Variants in PCDHA7 observed in about 807,000 individuals in gnomAD.
PCDHA7 encodes the protein protocadherin alpha-7.
PCDHA7 carries 37 observed loss-of-function variants against 57.2 expected under a neutral mutation model. The observed-to-expected ratio is 0.65, with a 90% CI of 0.50 to 0.85. PCDHA7 has a LOEUF of 0.85. Among genes scored for constraint, PCDHA7 ranks in the 40% least tolerant of loss-of-function variants. The pLI, the probability that PCDHA7 is intolerant of heterozygous loss-of-function variation, is 0.00. For missense variants in PCDHA7, 1,188 were observed against 1,241.8 expected, an observed-to-expected ratio of 0.96 and a Z score of 0.65; for synonymous variants, 553 against 558.8, an observed-to-expected ratio of 0.99 and a Z score of 0.15.
In PCDHA7 at chr5:140,834,564, C is replaced by T. The variant is rs2150221113; in HGVS notation, c.181C>T (p.Pro61Ser). The change falls in exon 1 of 4, where the codon CCG (proline) becomes TCG (serine). Residue 61 changes from proline to serine, a missense_variant. Physicochemically the swap from Pro to Ser is moderately conservative, Grantham distance 74 (BLOSUM62 -1). Around this residue, in one of 3 missense-constraint regions of PCDHA7, gnomAD observed 194 missense variants for 185.8 expected, o/e 1.04. Coordinates refer to ENST00000525929, the MANE Select transcript of PCDHA7 (RefSeq NM_018910.3). ...DLGLELAELV[P>S]RLFRAVCKFR... ...GGGGCTGGAGCTGGCGGAGCTGGTG[C>T]CGCGCCTGTTCCGGGCGGTGTGCAA... 7.4e-6 allele frequency: 12 copies of T among 1,613,972 alleles called. No homozygotes were observed. Among genetic ancestry groups the T allele is most frequent in the African/African-American group, 2.7e-5 (2 of 74,936 alleles).
intron 1 of PCDHA7, among the ~76,000 whole-genome samples, chr5:140,891,039 AC>A (rs143686625): frequency 0.024 from 3,682 of 152,150 alleles, 153 homozygotes; most frequent in African/African-American, 0.085. Context: ...CTTAGGTGTG[AC>A]CCCCACAGCA....
intron 1 of PCDHA7, among the ~76,000 whole-genome samples, chr5:140,947,840 T>C (rs1554218335): frequency 6.6e-6 from 1 of 151,630 alleles, no homozygotes; most frequent in Non-Finnish European, 1.5e-5. Context: ...TAATATTTGT[T>C]TATTTATTTT....
chr5:140,870,155 T>C (rs1554163855), intron 1 of PCDHA7: 4 of 1,614,014 alleles, frequency 2.5e-6, no homozygotes, highest in Non-Finnish European at 3.4e-6. Flanking sequence ...GAAGTCGCCG[T>C]GACTTCCTTG....
chr5:140,975,623 A>G (rs2096675265), intron 1 of PCDHA7, among the ~76,000 whole-genome samples: 1 of 152,244 alleles, frequency 6.6e-6, no homozygotes, highest in Admixed American at 6.5e-5. Flanking sequence ...ATGGATTTCC[A>G]TGGTACGAAG....
intron 1 of PCDHA7, chr5:140,853,202 C>T (rs1357815878): frequency 1.3e-5 from 13 of 982,324 alleles, no homozygotes; most frequent in Middle Eastern, 5.3e-4. Flanking sequence ...TTATTATTGA[C>T]GGCTGTATTG....
At chr5:140,915,264 G>A (rs536821921) in intron 1 of PCDHA7, among the ~76,000 whole-genome samples, 9 of 151,876 alleles carry the variant, frequency 5.9e-5, no homozygotes, top group Non-Finnish European at 1.3e-4. Context: ...TATTATTTTT[G>A]ACCAGTTCAT....
At chr5:140,848,284 A>G (rs1378049676) in intron 1 of PCDHA7, 1 of 612,322 alleles carries the variant, frequency 1.6e-6, no homozygotes, top group Non-Finnish European at 2.9e-6. Flanking sequence ...ATGTACTTAC[A>G]CTTTGGGCCA....
chr5:140,842,413 A>G (rs1206715629), intron 1 of PCDHA7: 5 of 1,613,082 alleles, frequency 3.1e-6, no homozygotes, highest in East Asian at 2.2e-5. Flanking sequence ...AAGACGCTCA[A>G]TTTGGTACTG....
chr5:140,907,864 G>A (rs1033952784), intron 1 of PCDHA7, among the ~76,000 whole-genome samples: 3 of 152,202 alleles, frequency 2.0e-5, no homozygotes, highest in African/African-American at 7.2e-5. Context: ...GAGGCCAGCC[G>A]TTGGTGAGCA....
chr5:140,913,164 T>C (rs1211762965), intron 1 of PCDHA7, among the ~76,000 whole-genome samples: 1 of 152,208 alleles, frequency 6.6e-6, no homozygotes, highest in Non-Finnish European at 1.5e-5. Flanking sequence ...GGATTGGTAT[T>C]AGTTCTTCTT....
chr5:140,967,127 T>C (rs155808), intron 1 of PCDHA7: 558,768 of 1,612,332 alleles, frequency 0.35, 98,550 homozygotes, highest in East Asian at 0.51. Flanking sequence ...CCTGCTCAGC[T>C]TGGAAGTGCT....
At chr5:140,909,438 T>C (rs2074496860) in intron 1 of PCDHA7, among the ~76,000 whole-genome samples, 1 of 152,222 alleles carries the variant, frequency 6.6e-6, no homozygotes, top group Non-Finnish European at 1.5e-5. Context: ...GATAATCCAC[T>C]GTCATTCTCC....
At chr5:140,842,501 C>T in intron 1 of PCDHA7, 1 of 1,613,826 alleles carries the variant, frequency 6.2e-7, no homozygotes, top group Non-Finnish European at 8.5e-7. Flanking sequence ...GCCCCATGTC[C>T]CCTTCAAGCT....
chr5:140,951,833 A>G (rs2094641584), intron 1 of PCDHA7, among the ~76,000 whole-genome samples: 1 of 152,190 alleles, frequency 6.6e-6, no homozygotes, highest in Admixed American at 6.5e-5. Flanking sequence ...TCATTCCAGC[A>G]TTAAGCCAAA....
chr5:141,007,435 G>A (rs1342767950), intron 3 of PCDHA7, among the ~76,000 whole-genome samples: 1 of 150,972 alleles, frequency 6.6e-6, no homozygotes, highest in Non-Finnish European at 1.5e-5. Flanking sequence ...AGGCATGGTG[G>A]CATGTGCCTG....
chr5:140,870,200 C>A, intron 1 of PCDHA7: 1 of 1,614,174 alleles, frequency 6.2e-7, no homozygotes, highest in South Asian at 1.1e-5. Flanking sequence ...CAGCCCAGCA[C>A]GGTCATTGCC....
At chr5:140,858,260 G>A (rs782801879) in intron 1 of PCDHA7, 2 of 1,597,208 alleles carry the variant, frequency 1.3e-6, no homozygotes, top group South Asian at 2.2e-5. Context: ...GCCCACGCTG[G>A]TGTGCTCTAG....
intron 1 of PCDHA7, among the ~76,000 whole-genome samples, chr5:140,946,752 A>G (rs1470208958): frequency 9.2e-5 from 14 of 151,470 alleles, no homozygotes; most frequent in African/African-American, 3.4e-4. Context: ...CAAATACTGC[A>G]TGATCTCATT....
intron 3 of PCDHA7, among the ~76,000 whole-genome samples, chr5:140,993,250 T>G (rs1554253518): frequency 6.6e-6 from 1 of 152,154 alleles, no homozygotes; most frequent in East Asian, 1.9e-4. Context: ...GGGATTTAGA[T>G]ATATAAATTA....
Sources: gnomAD v4.1 joint callset for allele counts (sites outside exome capture counted in the v4.1 genomes callset) on GRCh38, gnomAD v4.1.1 for gene constraint, gnomAD v4.1.1 regional missense constraint, MANE v1.5 for transcripts, NCBI Gene and HGNC (gene_info 2026-07-23, HGNC 2026-07-21) for gene names.